The following RBFOX1 variants were observed in gnomAD, a reference collection of about 807,000 sequenced individuals.
RBFOX1 encodes the protein RNA binding fox-1 homolog 1, also known as RNA binding protein fox-1 homolog 1.
Under a neutral mutation model 57.7 loss-of-function variants are expected in RBFOX1, and 8 were observed. The ratio of observed to expected loss-of-function variants is 0.14; its 90% confidence interval spans 0.08 to 0.25. RBFOX1 has a LOEUF of 0.25. RBFOX1 is among the 10% of genes least tolerant of loss of function. The probability of loss-of-function intolerance (pLI) is 1.00; values close to 1 mark genes in which losing one functional copy is unlikely to be tolerated. For missense variants in RBFOX1, 611 were observed against 548.5 expected (o/e 1.11, Z -1.14); for synonymous variants, 326 against 222.4 (o/e 1.47, Z -4.15).
intron 1 of RBFOX1, chr16:6,090,196 T>G (rs1167387390): frequency 6.6e-6 from 1 of 152,140 alleles, no homozygotes; most frequent in Non-Finnish European, 1.5e-5. Context: ...CTCTTCTAGG[T>G]TTTAAGGAGA....
chr16:6,753,194 G>C (rs1431911307), intron 3 of RBFOX1, among the ~76,000 whole-genome samples: 2 of 152,168 alleles, frequency 1.3e-5, no homozygotes, highest in African/African-American at 4.8e-5. Flanking sequence ...ATGGGTTGAT[G>C]GTTGCAGAGA....
chr16:6,582,303 C>A (rs1211575931), intron 2 of RBFOX1, among the ~76,000 whole-genome samples: 1 of 152,062 alleles, frequency 6.6e-6, no homozygotes, highest in African/African-American at 2.4e-5. Context: ...CTTGAAAATT[C>A]TGATGAGAAA....
In RBFOX1 at chr16:7,042,306, C is replaced by A. The variant is rs137913347; in HGVS notation, c.-15-9751C>A. ...GGAGGAGGGCTAACAGTGTAGGTAT[C>A]CATGGTTTTGTTTGGTTTACCTGAC... On this transcript the variant is annotated intron_variant, in intron 3 of 15. Transcript: ENST00000550418. Among the ~76,000 whole-genome samples, 23 of 152,236 alleles carry A rather than the reference C, an allele frequency of 1.5e-4. No individual in the cohort carries two copies. The South Asian group carries it at 3.1e-3, about 21-fold the overall frequency.
At chr16:7,693,306 C>T (rs773912243) in intron 14 of RBFOX1, 3 of 1,612,994 alleles carry the variant, frequency 1.9e-6, no homozygotes, top group East Asian at 2.2e-5. Context: ...ATTTTATCTT[C>T]TCTTCCAGAA....
chr16:7,471,018 G>A (rs897928251), intron 4 of RBFOX1, among the ~76,000 whole-genome samples: 1 of 151,838 alleles, frequency 6.6e-6, no homozygotes, highest in African/African-American at 2.4e-5. Context: ...GAACTTTTAA[G>A]TATAAAAATA....
intron 3 of RBFOX1, among the ~76,000 whole-genome samples, chr16:5,683,137 T>C (rs1033546535): frequency 3.8e-5 from 5 of 132,640 alleles, no homozygotes; most frequent in African/African-American, 1.4e-4. Context: ...TTTGTGTGTG[T>C]GTTGGGGGTG....
At chr16:6,853,699 C>G (rs80095971) in intron 3 of RBFOX1, among the ~76,000 whole-genome samples, 3,324 of 152,194 alleles carry the variant, frequency 0.022, 128 homozygotes, top group African/African-American at 0.075. Flanking sequence ...ATTTATCACC[C>G]TGGTTGGATT....
chr16:6,234,957 C>T (rs924576112), intron 1 of RBFOX1, among the ~76,000 whole-genome samples: 1 of 152,134 alleles, frequency 6.6e-6, no homozygotes, highest in African/African-American at 2.4e-5. Flanking sequence ...GTAAATTGTG[C>T]ATAGGAGGAC....
chr16:6,543,540 T>C (rs78369088), intron 2 of RBFOX1, among the ~76,000 whole-genome samples: 1,567 of 152,304 alleles, frequency 0.01, 40 homozygotes, highest in South Asian at 0.074. Flanking sequence ...CTTTGCGCTT[T>C]TTATACCTTA....
At chr16:5,545,091 C>T (rs964891640) in intron 2 of RBFOX1, among the ~76,000 whole-genome samples, 4 of 151,136 alleles carry the variant, frequency 2.6e-5, no homozygotes, top group African/African-American at 7.3e-5. Flanking sequence ...ATTCTTCTGC[C>T]TCAGCCTTCC....
At chr16:7,364,431 T>C (rs1568429199) in intron 4 of RBFOX1, among the ~76,000 whole-genome samples, 3 of 152,166 alleles carry the variant, frequency 2.0e-5, no homozygotes, top group African/African-American at 4.8e-5. Context: ...TTTTTGTGCG[T>C]GTTTAACATT....
intron 3 of RBFOX1, among the ~76,000 whole-genome samples, chr16:7,012,691 C>A (rs2093709762): frequency 6.6e-6 from 1 of 152,130 alleles, no homozygotes; most frequent in Non-Finnish European, 1.5e-5. Flanking sequence ...ACTTTATCAG[C>A]AAAGGGAGGC....
chr16:6,261,964 G>A (rs1464867270), intron 1 of RBFOX1, among the ~76,000 whole-genome samples: 1 of 152,062 alleles, frequency 6.6e-6, no homozygotes, highest in Non-Finnish European at 1.5e-5. Context: ...CAGAGACAAA[G>A]GATGCAGTGA....
chr16:5,451,398 G>C (rs960708752), intron 1 of RBFOX1, among the ~76,000 whole-genome samples: 5 of 152,150 alleles, frequency 3.3e-5, no homozygotes, highest in African/African-American at 9.7e-5. Flanking sequence ...CCTATTAAAA[G>C]TCAGATTTAT....
intron 4 of RBFOX1, among the ~76,000 whole-genome samples, chr16:7,354,380 T>G (rs1351674697): frequency 6.6e-6 from 1 of 152,214 alleles, no homozygotes; most frequent in African/African-American, 2.4e-5. Flanking sequence ...CTGTGTTTGT[T>G]GAAGGTGTTT....
chr16:5,743,133 G>C (rs560722400), intron 3 of RBFOX1, among the ~76,000 whole-genome samples: 8 of 152,052 alleles, frequency 5.3e-5, no homozygotes, highest in African/African-American at 1.9e-4. Context: ...ATTGTGATTG[G>C]AAAGAACGAA....
intron 3 of RBFOX1, among the ~76,000 whole-genome samples, chr16:6,683,093 G>C (rs2058915041): frequency 6.6e-6 from 1 of 152,072 alleles, no homozygotes; most frequent in South Asian, 2.1e-4. Context: ...GGAGACTCGA[G>C]TTTAACCACA....
At chr16:6,776,120 G>C (rs1177352243) in intron 3 of RBFOX1, 1 of 152,548 alleles carries the variant, frequency 6.6e-6, no homozygotes, top group South Asian at 2.1e-4. Flanking sequence ...GTACAAGAAA[G>C]AATACACTGG....
intron 1 of RBFOX1, among the ~76,000 whole-genome samples, chr16:5,275,500 A>G (rs1402149618): frequency 6.6e-6 from 1 of 152,220 alleles, no homozygotes; most frequent in Non-Finnish European, 1.5e-5. Context: ...TACCCCTACA[A>G]GGAAAACTAC....
Sources: gnomAD v4.1 joint callset for allele counts (sites outside exome capture counted in the v4.1 genomes callset) on GRCh38, gnomAD v4.1.1 for gene constraint, MANE v1.5 for transcripts, NCBI Gene and HGNC (gene_info 2026-07-23, HGNC 2026-07-21) for gene names.